FUT9: variants seen among roughly 807,000 people sequenced by gnomAD.
The protein encoded by FUT9 is fucosyltransferase 9.
A neutral mutation model predicts 29.7 loss-of-function variants in FUT9; 15 were observed. The ratio of observed to expected loss-of-function variants is 0.51; its 90% CI spans 0.34 to 0.78. The LOEUF is 0.78. Among genes scored for constraint, FUT9 ranks in the 30% least tolerant of loss-of-function variants. The pLI is 0.01. For missense variants in FUT9, 319 were observed against 425.4 expected, an observed-to-expected ratio of 0.75 and a Z score of 2.20; for synonymous variants, 169 against 153.7, an observed-to-expected ratio of 1.10 and a Z score of -0.74.
intron 1 of FUT9, among the ~76,000 whole-genome samples, chr6:96,078,237 G>A (rs1250692932): frequency 6.6e-6 from 1 of 151,330 alleles, no homozygotes; most frequent in East Asian, 1.9e-4. Context: ...TTTAATTTTG[G>A]TTATATTTCC....
intron 2 of FUT9, among the ~76,000 whole-genome samples, chr6:96,148,993 T>C (rs1339410077): frequency 6.6e-6 from 1 of 151,916 alleles, no homozygotes; most frequent in Non-Finnish European, 1.5e-5. Context: ...TGTCTCTAAC[T>C]AAAAATACAA....
chr6:96,173,777 T>TA (rs1038045546), intron 2 of FUT9, among the ~76,000 whole-genome samples: 2 of 151,020 alleles, frequency 1.3e-5, no homozygotes, highest in Admixed American at 1.3e-4. Flanking sequence ...TCACACAAAT[T>TA]TTTTTTCTCT....
chr6:96,017,887 G>A (rs1770006335), intron 1 of FUT9, among the ~76,000 whole-genome samples: 1 of 152,144 alleles, frequency 6.6e-6, no homozygotes, highest in Admixed American at 6.5e-5. Flanking sequence ...AGGGAAAGTT[G>A]AGCCATCATC....
At chr6:96,036,818 TGACATTTATTTA>T (rs1770372308) in intron 1 of FUT9, 2 of 152,004 alleles carry the variant, frequency 1.3e-5, no homozygotes, top group African/African-American at 4.8e-5. Context: ...TGCTTTCATA[TGACATTTATTTA>T]AACCAAGCTA....
In FUT9 at chr6:96,147,146, AT is replaced by A. The variant is rs1316394210; in HGVS notation, c.-9+33029del. Among the ~76,000 whole-genome samples, 256 of 147,958 alleles carry A rather than the reference AT, an allele frequency of 1.7e-3. 2 individuals carry two copies. Among genetic ancestry groups the A allele is most frequent in the Middle Eastern group, 6.9e-3 (2 of 290 alleles). On this transcript the variant is annotated intron_variant, in intron 2 of 2. Transcript: ENST00000302103. ...ACGATCTTTTCTCCCTACCTGTCCA[AT>A]TTTTTTTTTATTTTTCTTTTTTTTT...
intron 1 of FUT9, among the ~76,000 whole-genome samples, chr6:96,037,743 T>C (rs1034681776): frequency 1.3e-5 from 2 of 152,086 alleles, no homozygotes; most frequent in Non-Finnish European, 2.9e-5. Flanking sequence ...TGCAGAGAAA[T>C]GTACTTATAA....
At chr6:96,059,065 G>A (rs988545588) in intron 1 of FUT9, among the ~76,000 whole-genome samples, 4 of 152,084 alleles carry the variant, frequency 2.6e-5, no homozygotes, top group African/African-American at 4.8e-5. Flanking sequence ...CTTGCTATAT[G>A]TGGTGTTTTT....
chr6:96,043,639 T>TTAACTAA (rs1185602770), intron 1 of FUT9, among the ~76,000 whole-genome samples: 2 of 152,224 alleles, frequency 1.3e-5, no homozygotes, highest in East Asian at 3.9e-4. Context: ...ATTATAATTA[T>TTAACTAA]TAGTTATTCA....
chr6:96,028,616 T>C (rs1770208351), intron 1 of FUT9, among the ~76,000 whole-genome samples: 1 of 151,624 alleles, frequency 6.6e-6, no homozygotes, highest in Non-Finnish European at 1.5e-5. Flanking sequence ...ATCTTCTCCA[T>C]ACTTAAGAAT....
chr6:96,101,414 T>TG (rs1053146279), intron 1 of FUT9, among the ~76,000 whole-genome samples: 1 of 151,616 alleles, frequency 6.6e-6, no homozygotes, highest in Non-Finnish European at 1.5e-5. Flanking sequence ...TTGTGGGGGC[T>TG]GGGGGGTGCC....
At chr6:96,055,706 TTTC>T (rs869307471) in intron 1 of FUT9, among the ~76,000 whole-genome samples, 304 of 30,020 alleles carry the variant, frequency 0.01, 5 homozygotes, top group Admixed American at 0.04. Flanking sequence ...TCTATTTCTT[TTTC>T]TTTTTTTTTT....
At chr6:96,038,371 C>T (rs9498758) in intron 1 of FUT9, among the ~76,000 whole-genome samples, 66,535 of 151,948 alleles carry the variant, frequency 0.44, 14,656 homozygotes, top group South Asian at 0.45. Flanking sequence ...ATTAGCAGAA[C>T]ATCTGGCTAA....
At chr6:96,180,262 A>G (rs778541076) in intron 2 of FUT9, among the ~76,000 whole-genome samples, 1 of 152,074 alleles carries the variant, frequency 6.6e-6, no homozygotes, top group Non-Finnish European at 1.5e-5. Flanking sequence ...TTTTACATGC[A>G]CAAATCTAGC....
intron 2 of FUT9, among the ~76,000 whole-genome samples, chr6:96,169,235 G>T (rs531541777): frequency 6.6e-6 from 1 of 152,234 alleles, no homozygotes; most frequent in African/African-American, 2.4e-5. Context: ...AAGCAAATAC[G>T]CTGATATTAA....
chr6:96,031,418 G>T (rs888201923), intron 1 of FUT9, among the ~76,000 whole-genome samples: 8 of 151,378 alleles, frequency 5.3e-5, no homozygotes, highest in African/African-American at 1.7e-4. Flanking sequence ...ATTTAGAGAG[G>T]TTGCATGGTT....
chr6:96,043,163 T>C lies in FUT9; in HGVS notation c.-98+26951T>C, dbSNP rs527888479. On this transcript the variant is annotated intron_variant, in intron 1 of 2. Transcript: ENST00000302103. The stretch of plus-strand genomic sequence containing the variant: ...GCCTCCCGGGTTCATGCCATTCTCC[T>C]GCCTCAGCCTCCCGAGTAGCTGGGA... Among the ~76,000 whole-genome samples the C allele has an allele frequency of 7.9e-5, 12 of 152,204 alleles. No individual in the cohort carries two copies. In the South Asian group the frequency reaches 8.3e-4, roughly 11 times the overall value.
At chr6:96,092,756 C>T (rs1771432119) in intron 1 of FUT9, among the ~76,000 whole-genome samples, 1 of 151,996 alleles carries the variant, frequency 6.6e-6, no homozygotes, top group Non-Finnish European at 1.5e-5. Context: ...TTCTTTATAA[C>T]ATTTCATACC....
At chr6:96,059,319 AT>A (rs1195337554) in intron 1 of FUT9, among the ~76,000 whole-genome samples, 4 of 152,170 alleles carry the variant, frequency 2.6e-5, no homozygotes, top group Non-Finnish European at 4.4e-5. Flanking sequence ...CTTTAGACTC[AT>A]TTCTCCATCT....
chr6:96,031,642 T>C (rs909184015), intron 1 of FUT9, among the ~76,000 whole-genome samples: 1 of 151,528 alleles, frequency 6.6e-6, no homozygotes, highest in African/African-American at 2.4e-5. Flanking sequence ...TAGCAATTTA[T>C]AAGGAAGTAT....
Sources: allele counts gnomAD v4.1 joint callset (sites outside exome capture counted in the v4.1 genomes callset), GRCh38; gene constraint gnomAD v4.1.1; transcripts MANE v1.5; gene names NCBI Gene and HGNC (gene_info 2026-07-23, HGNC 2026-07-21).